PLEKHS1: variants seen among roughly 807,000 people sequenced by gnomAD.
PLEKHS1 encodes pleckstrin homology domain-containing family S member 1.
Under a neutral mutation model 51.0 loss-of-function variants are expected in PLEKHS1, and 55 were observed. That is an observed-to-expected ratio of 1.08 (90% CI 0.87 to 1.35). The LOEUF is 1.35. Among genes scored for constraint, PLEKHS1 ranks in the 40% most tolerant of loss-of-function variants. PLEKHS1 has a pLI of 0.00. For missense variants in PLEKHS1, 398 were observed against 423.0 expected (o/e 0.94, Z 0.52); for synonymous variants, 153 against 144.8 (o/e 1.06, Z -0.41).
chr10:113,777,196 T>A, intron 11 of PLEKHS1: 2 of 1,612,834 alleles, frequency 1.2e-6, no homozygotes, highest in Non-Finnish European at 1.7e-6. Context: ...TGGCAGTGAA[T>A]GACCTGAAAC....
At chr10:113,780,743 G>A (rs1366217867) in exon 12 of PLEKHS1, 5 of 1,587,722 alleles carry the variant, frequency 3.1e-6, no homozygotes, top group African/African-American at 1.3e-5. Flanking sequence ...GAGGAGTCCG[G>A]CCATTAAAAA....
chr10:113,758,735 A>G (rs1416143501), intron 2 of PLEKHS1, among the ~76,000 whole-genome samples: 1 of 152,152 alleles, frequency 6.6e-6, no homozygotes, highest in Non-Finnish European at 1.5e-5. Context: ...GAGGAGAGAG[A>G]TGGGGGAATA....
chr10:113,774,173 G>A, intron 8 of PLEKHS1, 54 bp from the exon 9 acceptor site: 1 of 1,065,606 alleles, frequency 9.4e-7, no homozygotes, highest in Non-Finnish European at 1.4e-6. Flanking sequence ...AAATAAGAAG[G>A]TACCTGACTT....
exon 12 of PLEKHS1, chr10:113,781,142 T>A (rs12218072): frequency 0.71 from 157,139 of 219,884 alleles, 57,554 homozygotes; most frequent in Non-Finnish European, 0.78. Context: ...ACTCACTGCA[T>A]GAAGGCAAGA....
intron 2 of PLEKHS1, among the ~76,000 whole-genome samples, chr10:113,764,007 A>C (rs1012870159): frequency 3.9e-5 from 6 of 152,206 alleles, no homozygotes; most frequent in African/African-American, 1.2e-4. Context: ...ATATCTAAAA[A>C]GTCTTTAAAT....
chr10:113,774,527 C>A (rs1241051865), intron 9 of PLEKHS1, among the ~76,000 whole-genome samples, 194 bp downstream of exon 9: 1 of 152,200 alleles, frequency 6.6e-6, no homozygotes, highest in African/African-American at 2.4e-5. Context: ...CCACCGATGA[C>A]ATCCTCAGGA....
chr10:113,781,003 A>T (rs972282599), exon 12 of PLEKHS1: 2 of 552,236 alleles, frequency 3.6e-6, no homozygotes, highest in Non-Finnish European at 6.4e-6. Context: ...GGAAGGCCTT[A>T]TTATCTCAGC....
At chr10:113,780,694 TTC>T in exon 12 of PLEKHS1, 1 of 1,613,032 alleles carries the variant, frequency 6.2e-7, no homozygotes, top group South Asian at 1.1e-5. Context: ...GTGCTGCACC[TTC>T]TCAGCTGGAT....
At chr10:113,758,736 T>TG (rs778918938) in intron 2 of PLEKHS1, among the ~76,000 whole-genome samples, 2 of 152,112 alleles carry the variant, frequency 1.3e-5, no homozygotes, top group Non-Finnish European at 2.9e-5. Flanking sequence ...AGGAGAGAGA[T>TG]GGGGGAATAG....
At chr10:113,763,082 T>C (rs1313478676) in intron 2 of PLEKHS1, among the ~76,000 whole-genome samples, 1 of 152,166 alleles carries the variant, frequency 6.6e-6, no homozygotes. Context: ...CATTTATTCA[T>C]GCAGTTCTAT....
chr10:113,774,314 T>C (rs944962275), exon 9 of PLEKHS1: 1 of 1,580,636 alleles, frequency 6.3e-7, no homozygotes, highest in Non-Finnish European at 8.6e-7. Context: ...TGAGTGTCAT[T>C]ATGAGCCAAT....
chr10:113,776,853 T>C (rs558789713), intron 11 of PLEKHS1, among the ~76,000 whole-genome samples: 1 of 152,276 alleles, frequency 6.6e-6, no homozygotes, highest in African/African-American at 2.4e-5. Context: ...CACAATGTAA[T>C]AGAAGTCCAG....
exon 12 of PLEKHS1, chr10:113,781,709 C>T (rs1475845212): frequency 1.1e-5 from 1 of 93,266 alleles, no homozygotes; most frequent in African/African-American, 3.9e-5. Context: ...TTCCCAAACC[C>T]CTCTTTCCCA....
At chr10:113,773,635 A>G (rs1372498602) in intron 8 of PLEKHS1, among the ~76,000 whole-genome samples, 1 of 152,146 alleles carries the variant, frequency 6.6e-6, no homozygotes, top group Non-Finnish European at 1.5e-5. Flanking sequence ...CAGGGGGCCA[A>G]TGGGAAGACT....
chr10:113,783,001 C>T (rs938957196), downstream of PLEKHS1: 15 of 152,084 alleles, frequency 9.9e-5, no homozygotes, highest in African/African-American at 3.1e-4. Context: ...TTTGGGAGGC[C>T]GGGACAGGTG....
At chr10:113,781,021 C>T in exon 12 of PLEKHS1, 3 of 522,436 alleles carry the variant, frequency 5.7e-6, no homozygotes, top group Non-Finnish European at 1.0e-5. Context: ...AGCTATTGTC[C>T]CAAACACCAC....
At position 113,767,356 on chromosome 10, in the gene PLEKHS1, T is replaced by C. The variant is rs779760191; in HGVS notation, c.236T>C (p.Val79Ala). The change falls in exon 5 of 12, where the codon GTA (valine) becomes GCA (alanine). Residue 79 changes from valine (V) to alanine (A), a missense_variant. Physicochemically the swap from Val to Ala is moderately conservative, Grantham distance 64. Transcript: ENST00000361048. ...TCTATATCTAATAGAAATTCCAGTG[T>C]AGAAGTTGGCATAAGTAGCCAGGAA... 28 of 1,606,594 alleles carry C rather than the reference T, an allele frequency of 1.7e-5. No individual in the cohort carries two copies. Among genetic ancestry groups the C allele is most frequent in the Middle Eastern group, 1.6e-4 (1 of 6,066 alleles).
chr10:113,766,440 G>C, exon 3 of PLEKHS1: 3 of 1,594,224 alleles, frequency 1.9e-6, no homozygotes, highest in Non-Finnish European at 2.6e-6. Context: ...TTATGAAAAT[G>C]AAGTCTGCAA....
At chr10:113,771,922 CTA>C (rs1199026249) in intron 7 of PLEKHS1, 46 bp from the exon 8 acceptor site, 3 of 1,575,696 alleles carry the variant, frequency 1.9e-6, no homozygotes, top group African/African-American at 1.4e-5. Flanking sequence ...TGATTTAATT[CTA>C]TCTCTTGCAA....
Sources: allele counts gnomAD v4.1 joint callset (sites outside exome capture counted in the v4.1 genomes callset), GRCh38; gene constraint gnomAD v4.1.1; transcripts MANE v1.5; gene names NCBI Gene and HGNC (gene_info 2026-07-23, HGNC 2026-07-21).